CSRNP3: variants seen among roughly 807,000 people sequenced by gnomAD.
CSRNP3 encodes the protein cysteine/serine-rich nuclear protein 3.
CSRNP3 carries 12 observed loss-of-function variants against 48.0 expected under a neutral mutation model. The observed-to-expected ratio is 0.25, with a 90% CI of 0.16 to 0.41. The LOEUF is 0.41. CSRNP3 is among the 10% of genes least tolerant of loss of function. The pLI is 1.00. For missense variants in CSRNP3, 580 were observed against 724.4 expected (o/e 0.80, Z 2.29); for synonymous variants, 263 against 269.7 (o/e 0.98, Z 0.24).
intron 5 of CSRNP3, among the ~76,000 whole-genome samples, chr2:165,672,820 T>C (rs1043331341): frequency 6.6e-6 from 1 of 152,198 alleles, no homozygotes; most frequent in African/African-American, 2.4e-5. Context: ...TCAGTAGTTT[T>C]GGCCTGGTTT....
chr2:165,673,819 G>A (rs1227445300), intron 5 of CSRNP3, among the ~76,000 whole-genome samples: 3 of 151,994 alleles, frequency 2.0e-5, no homozygotes, highest in South Asian at 2.1e-4. Flanking sequence ...TCAGGAGTTC[G>A]AGACCAGCCT....
intron 4 of CSRNP3, among the ~76,000 whole-genome samples, chr2:165,653,836 G>C (rs774826173): frequency 6.6e-6 from 1 of 151,772 alleles, no homozygotes; most frequent in Admixed American, 6.6e-5. Context: ...GCTGGGCGTG[G>C]TGGCAGATAC....
In CSRNP3 at chr2:165,684,181, T is replaced by G. The variant is rs1687591636; in HGVS notation, c.*4428T>G. The G allele has an allele frequency of 6.6e-6, 1 of 152,148 alleles. No individual in the cohort carries two copies. The highest frequency in any genetic ancestry group is 1.5e-5 in the Non-Finnish European group (1 of 68,004). 9.4% of individuals were successfully genotyped at this position (152,148 alleles called of 1,614,324 possible). ...GCCTATCAAAACAGCAAAATCCTGTTGCAAATTCCAAAGACATCACTTTGC... is the reference window on the plus strand; with the variant it reads ...GCCTATCAAAACAGCAAAATCCTGTGGCAAATTCCAAAGACATCACTTTGC... On this transcript the variant is annotated 3_prime_UTR_variant, in exon 7 of 7. Coordinates refer to ENST00000651982, the MANE Select transcript of CSRNP3 (RefSeq NM_001172173.2).
In CSRNP3 at chr2:165,686,362, T is replaced by G. The variant is rs1687630810; in HGVS notation, c.*6609T>G. The G allele has an allele frequency of 6.6e-6, 1 of 152,064 alleles. No homozygotes were observed. Among genetic ancestry groups the G allele is most frequent in the East Asian group, 1.9e-4 (1 of 5,186 alleles). 9.4% of individuals were successfully genotyped at this position (152,064 alleles called of 1,614,324 possible). ...GGAAAAGGAGTTTGAAATTTCTACCTTTGTAGTACATTGTATCCAATTTTG... is the reference window on the plus strand; with the variant it reads ...GGAAAAGGAGTTTGAAATTTCTACCGTTGTAGTACATTGTATCCAATTTTG... On this transcript the variant is annotated 3_prime_UTR_variant, in exon 7 of 7. Transcript: ENST00000651982.
intron 3 of CSRNP3, among the ~76,000 whole-genome samples, chr2:165,592,850 G>A (rs1209124706): frequency 7.4e-6 from 1 of 135,604 alleles, no homozygotes; most frequent in Non-Finnish European, 1.5e-5. Flanking sequence ...CGCCCAGGCT[G>A]GAGTGCAGTG....
intron 2 of CSRNP3, among the ~76,000 whole-genome samples, chr2:165,497,930 A>G (rs897559835): frequency 6.6e-6 from 1 of 152,232 alleles, no homozygotes; most frequent in South Asian, 2.1e-4. Flanking sequence ...GAATGAATCT[A>G]TCTTTTGGTA....
chr2:165,560,903 T>C (rs1439084387), intron 3 of CSRNP3, among the ~76,000 whole-genome samples: 1 of 152,166 alleles, frequency 6.6e-6, no homozygotes, highest in Non-Finnish European at 1.5e-5. Flanking sequence ...CTAGTGTTCA[T>C]GATGTGATTT....
At chr2:165,588,947 A>G (rs1685673354) in intron 3 of CSRNP3, among the ~76,000 whole-genome samples, 2 of 152,136 alleles carry the variant, frequency 1.3e-5, no homozygotes, top group African/African-American at 4.8e-5. Flanking sequence ...AGGCGACAGA[A>G]ACCCTGTCTC....
chr2:165,489,061 A>G (rs1395953481), intron 1 of CSRNP3, among the ~76,000 whole-genome samples: 1 of 147,626 alleles, frequency 6.8e-6, no homozygotes, highest in Non-Finnish European at 1.5e-5. Context: ...AAGACTAATA[A>G]AGAGAAAAAG....
At chr2:165,503,521 A>C (rs1307981757) in intron 2 of CSRNP3, among the ~76,000 whole-genome samples, 1 of 151,916 alleles carries the variant, frequency 6.6e-6, no homozygotes, top group Non-Finnish European at 1.5e-5. Flanking sequence ...ATTAACAGAA[A>C]AACAGTACAC....
At chr2:165,588,021 A>G (rs1362456407) in intron 3 of CSRNP3, among the ~76,000 whole-genome samples, 1 of 152,250 alleles carries the variant, frequency 6.6e-6, no homozygotes, top group Non-Finnish European at 1.5e-5. Flanking sequence ...AACATTTGTA[A>G]AGAAACAAAG....
chr2:165,589,614 A>C (rs1251931191), intron 3 of CSRNP3, among the ~76,000 whole-genome samples: 2 of 152,152 alleles, frequency 1.3e-5, no homozygotes, highest in Admixed American at 1.3e-4. Context: ...AGTCTCTTTC[A>C]ATTTTAAAGA....
chr2:165,545,244 A>G (rs1331150935), intron 3 of CSRNP3, among the ~76,000 whole-genome samples: 2 of 152,148 alleles, frequency 1.3e-5, no homozygotes, highest in African/African-American at 4.8e-5. Flanking sequence ...TAAACAATTA[A>G]TGCCAGGAGT....
intron 2 of CSRNP3, among the ~76,000 whole-genome samples, chr2:165,505,004 G>A (rs1371110119): frequency 1.3e-5 from 2 of 151,974 alleles, no homozygotes; most frequent in Non-Finnish European, 2.9e-5. Flanking sequence ...AAATATAATC[G>A]TCAACTAGTA....
chr2:165,606,961 C>G (rs1234237551), intron 4 of CSRNP3, among the ~76,000 whole-genome samples: 1 of 151,888 alleles, frequency 6.6e-6, no homozygotes, highest in Non-Finnish European at 1.5e-5. Flanking sequence ...ACTCTCTTAA[C>G]TTTTTTTTAC....
intron 5 of CSRNP3, among the ~76,000 whole-genome samples, chr2:165,666,002 ATAGAG>A (rs1558967186): frequency 1.3e-4 from 18 of 136,674 alleles, no homozygotes; most frequent in South Asian, 2.5e-4. Flanking sequence ...GGAAGGAAGG[ATAGAG>A]AGGAAGAAAG....
rs1453074495 is a variant in CSRNP3 at position 165,682,199 on chromosome 2, T to C, written c.*2446T>C. On this transcript the variant is annotated 3_prime_UTR_variant, in exon 7 of 7. Transcript: ENST00000651982. ...CTAAGACGATATGAAGCCTACTTTTTTATTTTTGGCTAGGTCTTTGTTTTC... is the reference window on the plus strand; with the variant it reads ...CTAAGACGATATGAAGCCTACTTTTCTATTTTTGGCTAGGTCTTTGTTTTC... 6.6e-6 allele frequency: 1 copy of C among 152,090 alleles called. No individual in the cohort carries two copies. The highest frequency in any genetic ancestry group is 1.5e-5 in the Non-Finnish European group (1 of 68,004). 9.4% of individuals were successfully genotyped at this position (152,090 alleles called of 1,614,324 possible).
chr2:165,487,943 C>A (rs1488258239), intron 1 of CSRNP3, among the ~76,000 whole-genome samples: 2 of 137,818 alleles, frequency 1.5e-5, no homozygotes, highest in Admixed American at 1.5e-4. Context: ...TCACACATAA[C>A]AATATTAACT....
chr2:165,524,781 ATTG>A (rs1236975001), intron 3 of CSRNP3, among the ~76,000 whole-genome samples: 20 of 152,258 alleles, frequency 1.3e-4, no homozygotes, highest in Middle Eastern at 6.8e-3. Context: ...TTTCCTTAGT[ATTG>A]TTAAGTAGCA....
Sources: allele counts gnomAD v4.1 joint callset (sites outside exome capture counted in the v4.1 genomes callset), GRCh38; gene constraint gnomAD v4.1.1; transcripts MANE v1.5; gene names NCBI Gene and HGNC (gene_info 2026-07-23, HGNC 2026-07-21).